Variants in ADAMTSL1 observed in about 807,000 individuals in gnomAD.
ADAMTSL1 encodes ADAMTS like 1, also known as ADAMTS-like protein 1.
ADAMTSL1 carries 126 observed loss-of-function variants against 201.8 expected under a neutral mutation model. The observed-to-expected ratio is 0.62, with a 90% CI of 0.54 to 0.72. The LOEUF (loss-of-function observed/expected upper bound fraction) is 0.72, where lower values mean the gene tolerates loss of function less well. Ranked by LOEUF, ADAMTSL1 falls within the 30% of genes least tolerant of loss-of-function variation. The probability of loss-of-function intolerance (pLI) is 0.00; values close to 1 mark genes in which losing one functional copy is unlikely to be tolerated. For synonymous variants in ADAMTSL1, 1,121 were observed against 903.4 expected (o/e 1.24, Z -4.32); for missense variants, 2,679 against 2,277.8 (o/e 1.18, Z -3.59).
chr9:18,767,384 A>T (rs1820425411), intron 16 of ADAMTSL1, among the ~76,000 whole-genome samples: 2 of 152,208 alleles, frequency 1.3e-5, no homozygotes, highest in Non-Finnish European at 2.9e-5. Flanking sequence ...GCAAATCCTT[A>T]GGAGTCAGTA....
intron 1 of ADAMTSL1, among the ~76,000 whole-genome samples, chr9:18,009,431 C>A (rs1233627429): frequency 1.3e-5 from 2 of 152,000 alleles, no homozygotes; most frequent in Admixed American, 1.3e-4. Context: ...TGTAAGTCTC[C>A]TGTCTTATTC....
intron 2 of ADAMTSL1, among the ~76,000 whole-genome samples, chr9:18,172,472 C>A (rs951938682): frequency 1.3e-5 from 2 of 151,922 alleles, no homozygotes; most frequent in African/African-American, 4.8e-5. Context: ...TTTAAAGGAC[C>A]AACGAAGGCA....
At chr9:18,797,515 G>A (rs1822501863) in intron 20 of ADAMTSL1, among the ~76,000 whole-genome samples, 1 of 152,144 alleles carries the variant, frequency 6.6e-6, no homozygotes, top group South Asian at 2.1e-4. Flanking sequence ...CGGCTACCTA[G>A]AATTGGGAGA....
chr9:18,472,914 G>T (rs1303639541), upstream of ADAMTSL1, among the ~76,000 whole-genome samples: 1 of 152,180 alleles, frequency 6.6e-6, no homozygotes. Context: ...ATACATCCTT[G>T]TTTGACATTT....
At chr9:18,718,036 C>G (rs766438097) in intron 14 of ADAMTSL1, 1 of 1,584,072 alleles carries the variant, frequency 6.3e-7, no homozygotes, top group Non-Finnish European at 8.7e-7. Flanking sequence ...TTCTGTTAAT[C>G]TGCCGCACTA....
At chr9:18,231,978 T>C (rs1830660943) in intron 2 of ADAMTSL1, among the ~76,000 whole-genome samples, 1 of 152,174 alleles carries the variant, frequency 6.6e-6, no homozygotes, top group African/African-American at 2.4e-5. Flanking sequence ...CTCACCTTGC[T>C]CCTAAAGCTT....
intron 1 of ADAMTSL1, among the ~76,000 whole-genome samples, chr9:17,942,414 T>G (rs1417836446): frequency 6.6e-6 from 1 of 152,176 alleles, no homozygotes; most frequent in Non-Finnish European, 1.5e-5. Flanking sequence ...GTTTCATAAA[T>G]GATGTCACTG....
chr9:18,242,684 T>G (rs1293924042), intron 2 of ADAMTSL1, among the ~76,000 whole-genome samples: 1 of 152,058 alleles, frequency 6.6e-6, no homozygotes, highest in Admixed American at 6.6e-5. Context: ...AATCAACATA[T>G]AAAAATCAGT....
intron 2 of ADAMTSL1, among the ~76,000 whole-genome samples, chr9:18,443,263 C>T (rs973052002): frequency 2.6e-5 from 4 of 152,218 alleles, no homozygotes; most frequent in African/African-American, 9.6e-5. Flanking sequence ...AGAAGCTTAA[C>T]TGTTCTAGCT....
chr9:18,776,744 C>A, intron 18 of ADAMTSL1, 37 bp from the exon 19 acceptor site: 1 of 1,509,368 alleles, frequency 6.6e-7, no homozygotes, highest in Non-Finnish European at 8.8e-7. Context: ...CTCTCCCCAC[C>A]TCTTTCTCTG....
chr9:17,959,685 A>C (rs1331655677), intron 1 of ADAMTSL1, among the ~76,000 whole-genome samples: 1 of 152,088 alleles, frequency 6.6e-6, no homozygotes, highest in Non-Finnish European at 1.5e-5. Flanking sequence ...TGAACTCCTG[A>C]CCTCAAGTGA....
intron 2 of ADAMTSL1, among the ~76,000 whole-genome samples, chr9:18,517,736 A>G (rs980018881): frequency 1.3e-5 from 2 of 152,058 alleles, no homozygotes; most frequent in African/African-American, 4.8e-5. Context: ...TGTCCCTATC[A>G]TTTTTTATGG....
chr9:18,561,192 C>T (rs1821471847), intron 3 of ADAMTSL1, among the ~76,000 whole-genome samples: 1 of 152,190 alleles, frequency 6.6e-6, no homozygotes, highest in South Asian at 2.1e-4. Flanking sequence ...TCCCTCTACA[C>T]ACTGCTTTAG....
intron 10 of ADAMTSL1, 80 bp from the exon 11 acceptor site, chr9:18,680,232 G>A (rs1161611714): frequency 3.6e-6 from 5 of 1,389,540 alleles, no homozygotes; most frequent in Non-Finnish European, 5.0e-6. Context: ...AATAGACATG[G>A]GGAGTGGGTT....
chr9:18,552,157 T>G (rs1005027461), intron 3 of ADAMTSL1, among the ~76,000 whole-genome samples: 3 of 151,890 alleles, frequency 2.0e-5, no homozygotes, highest in African/African-American at 4.8e-5. Flanking sequence ...CTTATTTTAG[T>G]GTACTTTTTG....
chr9:18,405,467 C>G (rs1435628450), intron 2 of ADAMTSL1, among the ~76,000 whole-genome samples: 1 of 152,028 alleles, frequency 6.6e-6, no homozygotes, highest in Non-Finnish European at 1.5e-5. Context: ...GTTTAAATTC[C>G]AAAATCATTC....
intron 9 of ADAMTSL1, among the ~76,000 whole-genome samples, chr9:18,667,670 G>T (rs1191445776): frequency 6.6e-6 from 1 of 152,140 alleles, no homozygotes; most frequent in Non-Finnish European, 1.5e-5. Context: ...GTTAGCTGCA[G>T]CAGCTATATA....
In ADAMTSL1 at chr9:18,032,691, C is replaced by G. The variant is rs566274776; in HGVS notation, c.87+125769C>G. Reference sequence around the variant, plus strand: ...CCCTTGTAAGCTTCTGGGCTCCGCACAAGACCAAGCTCTTCCTCTACCTAC... The same window carrying G: ...CCCTTGTAAGCTTCTGGGCTCCGCAGAAGACCAAGCTCTTCCTCTACCTAC... On this transcript the variant is annotated intron_variant, in intron 1 of 29. Coordinates refer to the ADAMTSL1 transcript ENST00000680146. Among the ~76,000 whole-genome samples, 21 of 152,312 alleles carry G rather than the reference C, an allele frequency of 1.4e-4. No individual in the cohort carries two copies. In the South Asian group the frequency reaches 4.4e-3, roughly 32 times the overall value.
intron 2 of ADAMTSL1, among the ~76,000 whole-genome samples, chr9:18,462,625 A>G (rs1007060487): frequency 1.3e-5 from 2 of 152,134 alleles, no homozygotes; most frequent in Non-Finnish European, 2.9e-5. Flanking sequence ...TGAGCAATCA[A>G]AAGGATTTAA....
Sources: allele counts gnomAD v4.1 joint callset (sites outside exome capture counted in the v4.1 genomes callset), GRCh38; gene constraint gnomAD v4.1.1; transcripts MANE v1.5; gene names NCBI Gene and HGNC (gene_info 2026-07-23, HGNC 2026-07-21).